The following TTLL9 variants were observed in gnomAD, a reference collection of about 807,000 sequenced individuals.
The protein encoded by TTLL9 is probable tubulin polyglutamylase TTLL9.
A neutral mutation model predicts 65.6 loss-of-function variants in TTLL9; 47 were observed. The ratio of observed to expected loss-of-function variants is 0.72; its 90% CI spans 0.57 to 0.91. The LOEUF (loss-of-function observed/expected upper bound fraction) is 0.91. TTLL9 is among the 40% of genes least tolerant of loss of function. The probability of loss-of-function intolerance (pLI) is 0.00; values close to 1 mark genes in which losing one functional copy is unlikely to be tolerated. For synonymous variants in TTLL9, 179 were observed against 204.8 expected, an observed-to-expected ratio of 0.87 and a Z score of 1.07; for missense variants, 537 against 568.8, an observed-to-expected ratio of 0.94 and a Z score of 0.57.
intron 2 of TTLL9, among the ~76,000 whole-genome samples, chr20:31,873,726 GAAAGAAAGAAA>G (rs1340350689): frequency 3.5e-5 from 4 of 113,110 alleles, no homozygotes; most frequent in Non-Finnish European, 7.5e-5. Flanking sequence ...AAGAAAGAAA[GAAAGAAAGAAA>G]AAGGAAGGAA....
At chr20:31,880,620 G>A (rs1399424703) in intron 2 of TTLL9, among the ~76,000 whole-genome samples, 1 of 151,878 alleles carries the variant, frequency 6.6e-6, no homozygotes, top group Middle Eastern at 3.2e-3. Context: ...AGCCTCCTGA[G>A]TAGCTGGGAC....
chr20:31,895,813 GTATTTATTTATT>G (rs34278083), intron 3 of TTLL9, among the ~76,000 whole-genome samples: 22,446 of 147,922 alleles, frequency 0.15, 1,963 homozygotes, highest in Non-Finnish European at 0.18. Flanking sequence ...GGTTATTCAT[GTATTTATTTATT>G]TATTTATTTA....
chr20:31,909,860 G>A lies in TTLL9; in HGVS notation c.442G>A (p.Glu148Lys), dbSNP rs776756851. 88 of 1,612,040 alleles carry A rather than the reference G, an allele frequency of 5.5e-5. No homozygotes were observed. Among genetic ancestry groups the A allele is most frequent in the Admixed American group, 1.2e-4 (7 of 59,940 alleles). Reference protein sequence around the residue: ...FFPKTFEMPCEYHLFVEEFRK... With the variant: ...FFPKTFEMPCKYHLFVEEFRK... ...CCCCAAAACCTTTGAGATGCCTTGC[G>A]AGTACCACCTGTTTGTAGAGGAGTT... Residue 148 changes from glutamate to lysine, a missense_variant, in exon 6 of 15, where the codon GAG becomes AAG. This residue lies in a region of TTLL9 where 320 missense variants were observed against 311.0 expected (regional missense o/e 1.03). Coordinates refer to ENST00000535842, the MANE Select transcript of TTLL9 (RefSeq NM_001008409.5).
At chr20:31,916,801 C>T (rs974401335) in intron 6 of TTLL9, among the ~76,000 whole-genome samples, 14 of 152,200 alleles carry the variant, frequency 9.2e-5, no homozygotes, top group African/African-American at 3.4e-4. Flanking sequence ...CCCCTTTCTC[C>T]CCAGCTCCTT....
At chr20:31,913,979 GC>G (rs1011041549) in intron 6 of TTLL9, among the ~76,000 whole-genome samples, 2 of 152,146 alleles carry the variant, frequency 1.3e-5, no homozygotes, top group African/African-American at 4.8e-5. Flanking sequence ...CTCTCTGTGT[GC>G]CCCCCAAGCT....
chr20:31,913,855 G>T (rs556172168), intron 6 of TTLL9, among the ~76,000 whole-genome samples: 1 of 152,374 alleles, frequency 6.6e-6, no homozygotes, highest in South Asian at 2.1e-4. Context: ...GGCCGTCAGG[G>T]TTGGTGGGGA....
chr20:31,875,650 T>C (rs369943814), intron 2 of TTLL9, among the ~76,000 whole-genome samples: 2 of 152,354 alleles, frequency 1.3e-5, no homozygotes, highest in South Asian at 2.1e-4. Context: ...CCTACTATTA[T>C]GCATTCAAAA....
intron 2 of TTLL9, among the ~76,000 whole-genome samples, chr20:31,875,477 C>G (rs2063025647): frequency 6.6e-6 from 1 of 152,184 alleles, no homozygotes. Context: ...CTCTACTCCA[C>G]TCTTTCCTAG....
chr20:31,881,607 T>A (rs1164793173), intron 2 of TTLL9, among the ~76,000 whole-genome samples: 3 of 150,102 alleles, frequency 2.0e-5, no homozygotes, highest in Non-Finnish European at 4.5e-5. Context: ...TATAACTTTT[T>A]TTTTTTTTTT....
intron 14 of TTLL9, 172 bp downstream of exon 14, chr20:31,939,438 G>C (rs2064170793): frequency 2.9e-6 from 2 of 683,414 alleles, no homozygotes; most frequent in Non-Finnish European, 4.3e-6. Flanking sequence ...TTTAAACTTG[G>C]TTTCTAAAAA....
chr20:31,880,852 C>CTTTTTTTT (rs35047352), intron 2 of TTLL9, among the ~76,000 whole-genome samples: 1 of 108,258 alleles, frequency 9.2e-6, no homozygotes, highest in Admixed American at 1.1e-4. Context: ...TCTTTCTTTC[C>CTTTTTTTT]TTTTTTTTTT....
chr20:31,888,009 C>T (rs762310871), intron 3 of TTLL9, among the ~76,000 whole-genome samples: 1 of 151,894 alleles, frequency 6.6e-6, no homozygotes, highest in Non-Finnish European at 1.5e-5. Context: ...CTCAGCCTCC[C>T]GAGTAGCTGA....
chr20:31,937,559 C>A, intron 13 of TTLL9, 50 bp downstream of exon 13: 2 of 1,480,666 alleles, frequency 1.4e-6, no homozygotes, highest in Non-Finnish European at 1.9e-6. Flanking sequence ...ACAACTGAGG[C>A]TCCCACCAAG....
chr20:31,904,396 C>G (rs947686266), intron 4 of TTLL9, among the ~76,000 whole-genome samples: 1 of 143,800 alleles, frequency 7.0e-6, no homozygotes, highest in African/African-American at 2.6e-5. Flanking sequence ...CTCACTCTGC[C>G]GCCTAGGCTG....
intron 2 of TTLL9, among the ~76,000 whole-genome samples, chr20:31,878,550 T>C (rs1472960733): frequency 6.6e-6 from 1 of 152,202 alleles, no homozygotes; most frequent in Non-Finnish European, 1.5e-5. Flanking sequence ...GTCTTGCCAG[T>C]AGTGGTGTGG....
At chr20:31,873,698 GA>G (rs1491257324) in intron 2 of TTLL9, among the ~76,000 whole-genome samples, 1 of 108,446 alleles carries the variant, frequency 9.2e-6, no homozygotes, top group Non-Finnish European at 1.8e-5. Flanking sequence ...AAGAAAGAAA[GA>G]AAGAAAGAAA....
chr20:31,907,280 A>G (rs1255354381), intron 4 of TTLL9, among the ~76,000 whole-genome samples: 1 of 152,224 alleles, frequency 6.6e-6, no homozygotes, highest in Non-Finnish European at 1.5e-5. Flanking sequence ...GGTTGCACTG[A>G]GGATCCGTGA....
intron 8 of TTLL9, among the ~76,000 whole-genome samples, chr20:31,923,441 C>T (rs181111912): frequency 7.3e-4 from 111 of 152,328 alleles, no homozygotes; most frequent in African/African-American, 2.4e-3. Context: ...AACCACAGGA[C>T]GGTCCCATGC....
intron 5 of TTLL9, among the ~76,000 whole-genome samples, chr20:31,909,125 ATTTTT>A (rs11476481): frequency 2.5e-5 from 2 of 79,378 alleles, no homozygotes; most frequent in East Asian, 3.2e-4. Flanking sequence ...TGAAAGCATG[ATTTTT>A]TTTTTTTTTT....
Sources: gnomAD v4.1 joint callset for allele counts (sites outside exome capture counted in the v4.1 genomes callset) on GRCh38, gnomAD v4.1.1 for gene constraint, gnomAD v4.1.1 regional missense constraint, MANE v1.5 for transcripts, NCBI Gene and HGNC (gene_info 2026-07-23, HGNC 2026-07-21) for gene names.